FBXO28: variants seen among roughly 807,000 people sequenced by gnomAD.
The protein encoded by FBXO28 is F-box only protein 28.
In FBXO28, 8 loss-of-function variants were observed where a neutral mutation model predicts 38.1. The ratio of observed to expected loss-of-function variants is 0.21; its 90% CI spans 0.12 to 0.38. The LOEUF (loss-of-function observed/expected upper bound fraction) is 0.38. FBXO28 is among the 10% of genes least tolerant of loss of function. FBXO28 has a pLI of 1.00. For missense variants in FBXO28, 345 were observed against 460.6 expected (o/e 0.75, Z 2.30); for synonymous variants, 168 against 173.8 (o/e 0.97, Z 0.26).
intron 4 of FBXO28, among the ~76,000 whole-genome samples, chr1:224,155,849 G>A (rs1657762716): frequency 6.6e-6 from 1 of 152,120 alleles, no homozygotes; most frequent in South Asian, 2.1e-4. Context: ...TGCTCTCAAG[G>A]ATCTTACTAT....
At chr1:224,152,925 CAAAAAAAA>C (rs57616453) in intron 3 of FBXO28, among the ~76,000 whole-genome samples, 7 of 64,906 alleles carry the variant, frequency 1.1e-4, no homozygotes, top group South Asian at 1.3e-3. Context: ...AACTCTGTCT[CAAAAAAAA>C]AAAAAAAAAA....
chr1:224,151,996 T>C (rs1407000816), intron 3 of FBXO28, among the ~76,000 whole-genome samples: 1 of 151,702 alleles, frequency 6.6e-6, no homozygotes, highest in Admixed American at 6.6e-5. Context: ...GAGCCAGGAT[T>C]GTGCCACTGC....
intron 3 of FBXO28, among the ~76,000 whole-genome samples, chr1:224,141,891 A>ATTTTT (rs199693010): frequency 6.0e-4 from 87 of 145,500 alleles, no homozygotes; most frequent in African/African-American, 2.0e-3. Context: ...GGCTACATTA[A>ATTTTT]TTTTTTTTTT....
rs549183480 is a variant in FBXO28, at chr1:224,150,964, TA to T, written c.517-2176del. Among the ~76,000 whole-genome samples the T allele has an allele frequency of 2.5e-3, 380 of 152,300 alleles. 2 individuals carry two copies. Among genetic ancestry groups the T allele is most frequent in the African/African-American group, 8.4e-3 (348 of 41,546 alleles). ...ACATAGTAAGAACTCAATACTTGAA[TA>T]ATGTTTATCTTACAAGTTATGATAG... is the stretch of plus-strand genomic sequence containing the variant. On this transcript the variant is annotated intron_variant, in intron 3 of 4. Transcript: ENST00000366862.
intron 3 of FBXO28, 88 bp downstream of exon 3, chr1:224,134,300 G>C: frequency 7.6e-7 from 1 of 1,319,764 alleles, no homozygotes; most frequent in Admixed American, 2.1e-5. Flanking sequence ...AGAAATGTTA[G>C]AATTGTTTCT....
Position 224,134,421 on chromosome 1 carries a change from CT to C in FBXO28, c.516+210del. The C allele has an allele frequency of 7.1e-6, 3 of 422,582 alleles. No individual in the cohort carries two copies. The South Asian group carries it at 1.1e-4, about 15-fold the overall frequency. The allele number at this position is 422,582 out of a possible 1,614,324, so 26.2% of individuals were successfully genotyped here. On this transcript the variant is annotated intron_variant, in intron 3 of 4. Coordinates refer to ENST00000366862, the MANE Select transcript of FBXO28 (RefSeq NM_015176.4). The stretch of plus-strand genomic sequence containing the variant: ...TTCTAATTATGAAATAGTCGAAACC[CT>C]AATATTCTTTAGAGAAGTTTTTTAA...
chr1:224,124,049 G>A (rs1054551855), intron 1 of FBXO28, among the ~76,000 whole-genome samples: 5 of 152,164 alleles, frequency 3.3e-5, no homozygotes, highest in Admixed American at 3.3e-4. Context: ...GGCAAAGGTT[G>A]CAGTGAGTGG....
chr1:224,118,263 A>T (rs985026400), intron 1 of FBXO28, among the ~76,000 whole-genome samples: 2 of 144,562 alleles, frequency 1.4e-5, no homozygotes, highest in East Asian at 2.1e-4. Context: ...AAGGGTAAAA[A>T]ATTTTTTTTC....
At position 224,160,234 on chromosome 1, in the gene FBXO28, T is replaced by C. The variant is rs1558200355; in HGVS notation, c.*2488T>C. On this transcript the variant is annotated 3_prime_UTR_variant, in exon 5 of 5. Transcript: ENST00000366862. ...TTATTATGATCAGCTAGAACTGACA[T>C]ATGTTACAAGAAAACTGTAAATTAA... is the stretch of plus-strand genomic sequence containing the variant. 1 of 152,206 alleles carries C rather than the reference T, an allele frequency of 6.6e-6. No individual in the cohort carries two copies. The highest frequency in any genetic ancestry group is 1.5e-5 in the Non-Finnish European group (1 of 68,040). 9.4% of individuals were successfully genotyped at this position (152,206 alleles called of 1,614,324 possible). A position where few individuals can be genotyped will look rare whatever the true frequency, so the allele number is the denominator to read the frequency against.
chr1:224,119,643 C>G (rs1656727642), intron 1 of FBXO28, among the ~76,000 whole-genome samples: 1 of 152,128 alleles, frequency 6.6e-6, no homozygotes, highest in Non-Finnish European at 1.5e-5. Context: ...AGCACACTTA[C>G]ACAGCATCAG....
chr1:224,128,231 TTA>T (rs1491294915), intron 1 of FBXO28, among the ~76,000 whole-genome samples: 19 of 84,554 alleles, frequency 2.2e-4, no homozygotes, highest in African/African-American at 4.9e-4. Flanking sequence ...ATGTCTTTTT[TTA>T]TTATTATTAT....
intron 4 of FBXO28, among the ~76,000 whole-genome samples, chr1:224,156,757 C>G (rs569479465): frequency 1.3e-5 from 2 of 152,076 alleles, no homozygotes; most frequent in Admixed American, 1.3e-4. Context: ...CCCAGCACTT[C>G]GGGAGGCCGA....
intron 1 of FBXO28, among the ~76,000 whole-genome samples, chr1:224,127,568 T>C (rs141773197): frequency 1.4e-3 from 216 of 152,314 alleles, no homozygotes; most frequent in African/African-American, 5.1e-3. Context: ...ACTGAACAAA[T>C]ACTGATAACT....
intron 2 of FBXO28, among the ~76,000 whole-genome samples, chr1:224,133,744 C>T (rs1276424492): frequency 3.9e-5 from 6 of 151,944 alleles, no homozygotes. Context: ...CTCCTGACCT[C>T]AGGTGATCCA....
At chr1:224,154,679 G>A (rs902932407) in intron 4 of FBXO28, among the ~76,000 whole-genome samples, 2 of 152,162 alleles carry the variant, frequency 1.3e-5, no homozygotes, top group East Asian at 1.9e-4. Flanking sequence ...GCGGTGGTGG[G>A]TGTCTGTAGT....
intron 3 of FBXO28, among the ~76,000 whole-genome samples, chr1:224,137,208 G>A (rs1657211910): frequency 1.3e-5 from 2 of 151,740 alleles, no homozygotes; most frequent in Admixed American, 6.6e-5. Context: ...AGCCAAATAT[G>A]TACCAAAATT....
chr1:224,136,723 G>C (rs1657196979), intron 3 of FBXO28, among the ~76,000 whole-genome samples: 1 of 150,562 alleles, frequency 6.6e-6, no homozygotes, highest in Admixed American at 6.6e-5. Context: ...GCAAGACTTT[G>C]TCTCCAGAAA....
Position 224,159,589 on chromosome 1 carries a change from G to A in FBXO28, c.*1843G>A, listed in dbSNP as rs10916388. 141,314 of 152,618 alleles carry A rather than the reference G, an allele frequency of 0.93. 66,298 individuals are homozygous for A. The highest frequency in any genetic ancestry group is 1 in the Non-Finnish European group (67,882 of 68,046). The allele number at this position is 152,618 out of a possible 1,614,324, so 9.5% of individuals were successfully genotyped here. ...CCATAAAAGTCCCCGTCTGGAACTC[G>A]TTTTCTCAGCACTTCTCATTTTTAT... On this transcript the variant is annotated 3_prime_UTR_variant, in exon 5 of 5. Coordinates refer to ENST00000366862, the MANE Select transcript of FBXO28 (RefSeq NM_015176.4).
chr1:224,157,296 A>G, intron 4 of FBXO28, 56 bp from the exon 5 acceptor site: 23 of 1,522,346 alleles, frequency 1.5e-5, no homozygotes, highest in Non-Finnish European at 2.0e-5. Context: ...AAGTGTAAGT[A>G]TTACTGGTAG....
Sources: allele counts gnomAD v4.1 joint callset (sites outside exome capture counted in the v4.1 genomes callset), GRCh38; gene constraint gnomAD v4.1.1; transcripts MANE v1.5; gene names NCBI Gene and HGNC (gene_info 2026-07-23, HGNC 2026-07-21).